Variants in DIP2B observed in about 807,000 individuals in gnomAD.
DIP2B encodes the protein DIP2 acetate--CoA ligase B (putative), also known as disco-interacting protein 2 homolog B.
A neutral mutation model predicts 198.0 loss-of-function variants in DIP2B; 76 were observed. That is an observed-to-expected ratio of 0.38 (90% CI 0.32 to 0.46). The LOEUF (loss-of-function observed/expected upper bound fraction) is 0.46. Ranked by LOEUF, DIP2B falls within the 20% of genes least tolerant of loss-of-function variation. The pLI, the probability that DIP2B is intolerant of heterozygous loss-of-function variation, is 0.99. For missense variants in DIP2B, 1,559 were observed against 1,978.4 expected, an observed-to-expected ratio of 0.79 and a Z score of 4.02; for synonymous variants, 701 against 739.1, an observed-to-expected ratio of 0.95 and a Z score of 0.84.
intron 1 of DIP2B, among the ~76,000 whole-genome samples, chr12:50,574,062 G>C (rs1958637308): frequency 6.6e-6 from 1 of 151,988 alleles, no homozygotes; most frequent in South Asian, 2.1e-4. Context: ...CTTTATTGTT[G>C]GTTGGTCTTG....
In DIP2B at chr12:50,733,054, T is replaced by G. The variant is rs957710537; in HGVS notation, c.3981+518T>G. On this transcript the variant is annotated intron_variant, in intron 32 of 37. Coordinates refer to ENST00000301180, the MANE Select transcript of DIP2B (RefSeq NM_173602.3). ...CAGAGTAGCTGGGATTACAGGCGTG[T>G]ACCACCACGCCCGGCTATTTTTTGT... 4.6e-5 allele frequency among the ~76,000 whole-genome samples: 7 copies of G among 151,942 alleles called. 2 individuals carry two copies. Among genetic ancestry groups the G allele is most frequent in the Admixed American group, 4.6e-4 (7 of 15,282 alleles).
At chr12:50,728,230 T>A (rs1469889815) in intron 29 of DIP2B, among the ~76,000 whole-genome samples, 1 of 151,678 alleles carries the variant, frequency 6.6e-6, no homozygotes, top group African/African-American at 2.4e-5. Flanking sequence ...AAATAGAAAA[T>A]CAGCTGGGCG....
At chr12:50,597,130 A>G (rs1958885475) in intron 1 of DIP2B, among the ~76,000 whole-genome samples, 1 of 152,198 alleles carries the variant, frequency 6.6e-6, no homozygotes, top group African/African-American at 2.4e-5. Flanking sequence ...AAGGCACTCC[A>G]CTACACAAAC....
chr12:50,517,904 T>A (rs112527953), intron 1 of DIP2B, among the ~76,000 whole-genome samples: 2 of 152,342 alleles, frequency 1.3e-5, no homozygotes, highest in Admixed American at 1.3e-4. Flanking sequence ...CCAGTTTCCT[T>A]TTCTAAGCTC....
rs145214528 is a variant in DIP2B, at chr12:50,701,512, G to T, written c.2325+2310G>T. The stretch of plus-strand genomic sequence containing the variant: ...TTCTCCTGCCTTAGCCTCCCAAGTA[G>T]CTGGGATTACAGGTGCCTGCCACCA... On this transcript the variant is annotated intron_variant, in intron 19 of 37. Transcript: ENST00000301180. Among the ~76,000 whole-genome samples, 1,260 of 152,296 alleles carry T rather than the reference G, an allele frequency of 8.3e-3. 20 individuals are homozygous for T. Among genetic ancestry groups the T allele is most frequent in the African/African-American group, 0.029 (1,186 of 41,550 alleles).
chr12:50,701,934 T>G (rs1175115532), intron 19 of DIP2B, among the ~76,000 whole-genome samples: 1 of 152,114 alleles, frequency 6.6e-6, no homozygotes, highest in East Asian at 1.9e-4. Flanking sequence ...AGTGTTGTTA[T>G]AATTATTATT....
chr12:50,610,380 T>C (rs1405934320), intron 1 of DIP2B, among the ~76,000 whole-genome samples: 1 of 152,218 alleles, frequency 6.6e-6, no homozygotes, highest in Non-Finnish European at 1.5e-5. Context: ...CTGCTGGAAC[T>C]CTGAAGTATT....
intron 1 of DIP2B, among the ~76,000 whole-genome samples, chr12:50,603,821 T>C (rs967753004): frequency 2.6e-5 from 4 of 152,186 alleles, no homozygotes; most frequent in African/African-American, 9.6e-5. Flanking sequence ...AGGAAGATTA[T>C]TGGTTGTCTT....
At chr12:50,522,932 G>A (rs1593577476) in intron 1 of DIP2B, among the ~76,000 whole-genome samples, 1 of 152,030 alleles carries the variant, frequency 6.6e-6, no homozygotes, top group Non-Finnish European at 1.5e-5. Flanking sequence ...TAACTGCATT[G>A]GTGAGGAGAA....
In DIP2B at chr12:50,671,166, T is replaced by C. The variant is rs368139462; in HGVS notation, c.428-20T>C. ...GTTCTAGGTAGGATCGAGAACTTCT[T>C]TTTTTCTAATTCCACACAGACACAT... On this transcript the variant is annotated intron_variant, in intron 4 of 37. Coordinates refer to ENST00000301180, the MANE Select transcript of DIP2B (RefSeq NM_173602.3). 29 of 1,611,894 alleles carry C rather than the reference T, an allele frequency of 1.8e-5. No individual in the cohort carries two copies. Among genetic ancestry groups the C allele is most frequent in the Non-Finnish European group, 2.3e-5 (27 of 1,179,362 alleles).
chr12:50,601,776 A>G (rs1391978301), intron 1 of DIP2B, among the ~76,000 whole-genome samples: 1 of 151,762 alleles, frequency 6.6e-6, no homozygotes, highest in African/African-American at 2.4e-5. Flanking sequence ...CATTCTTACT[A>G]TATCTGGCTT....
At chr12:50,507,864 C>T in intron 1 of DIP2B, among the ~76,000 whole-genome samples, 1 of 152,140 alleles carries the variant, frequency 6.6e-6, no homozygotes, top group Non-Finnish European at 1.5e-5. Context: ...TCATGCCTTG[C>T]TGACATTGGT....
At chr12:50,522,629 T>G (rs1958131027) in intron 1 of DIP2B, among the ~76,000 whole-genome samples, 1 of 152,206 alleles carries the variant, frequency 6.6e-6, no homozygotes. Context: ...GGAATTGATT[T>G]TTTTGTTTTT....
chr12:50,728,118 C>T (rs879854876), intron 29 of DIP2B, among the ~76,000 whole-genome samples: 5 of 152,222 alleles, frequency 3.3e-5, no homozygotes, highest in Admixed American at 1.3e-4. Flanking sequence ...CGGTGGCTCA[C>T]GCCTGTTATC....
chr12:50,632,074 C>A (rs1398720650), intron 2 of DIP2B, among the ~76,000 whole-genome samples: 7 of 151,928 alleles, frequency 4.6e-5, no homozygotes, highest in African/African-American at 1.7e-4. Context: ...AAGTGATCCT[C>A]CCGCCTCCGC....
chr12:50,656,576 T>C (rs1938557815), intron 3 of DIP2B, among the ~76,000 whole-genome samples: 2 of 152,208 alleles, frequency 1.3e-5, no homozygotes, highest in Admixed American at 1.3e-4. Flanking sequence ...TTTTTTTCTT[T>C]CTTTTTTTCT....
intron 10 of DIP2B, 132 bp downstream of exon 10, chr12:50,683,380 A>G: frequency 1.5e-6 from 1 of 661,864 alleles, no homozygotes; most frequent in South Asian, 1.9e-5. Context: ...CTTTCTAAAA[A>G]CAGGAAATTT....
At chr12:50,607,104 GCTT>G (rs1424072254) in intron 1 of DIP2B, among the ~76,000 whole-genome samples, 8 of 140,544 alleles carry the variant, frequency 5.7e-5, no homozygotes, top group Non-Finnish European at 1.2e-4. Flanking sequence ...ATCATGCTTG[GCTT>G]CTTTTTTTTT....
intron 12 of DIP2B, chr12:50,687,011 G>A: frequency 5.0e-6 from 1 of 198,982 alleles, no homozygotes. Flanking sequence ...GAGGTTGGGG[G>A]TAAGAGAACG....
Sources: allele counts gnomAD v4.1 joint callset (sites outside exome capture counted in the v4.1 genomes callset), GRCh38; gene constraint gnomAD v4.1.1; transcripts MANE v1.5; gene names NCBI Gene and HGNC (gene_info 2026-07-23, HGNC 2026-07-21).